The following TRIO variants were observed in gnomAD, a reference collection of about 807,000 sequenced individuals.
The protein encoded by TRIO is trio Rho guanine nucleotide exchange factor, also known as triple functional domain protein.
A neutral mutation model predicts 351.9 loss-of-function variants in TRIO; 58 were observed. That is an observed-to-expected ratio of 0.16 (90% CI 0.13 to 0.21). TRIO has a LOEUF of 0.21. Ranked by LOEUF, TRIO falls within the 10% of genes least tolerant of loss-of-function variation. TRIO has a pLI of 1.00. For missense variants in TRIO, 3,201 were observed against 4,027.8 expected (o/e 0.79, Z 5.56); for synonymous variants, 1,758 against 1,595.7 (o/e 1.10, Z -2.42).
In TRIO at chr5:14,357,767, A is replaced by G. The variant is rs890375005; in HGVS notation, c.2047-411A>G. Among the ~76,000 whole-genome samples the G allele has an allele frequency of 7.2e-5, 11 of 152,096 alleles. No homozygotes were observed. The East Asian group carries it at 1.9e-3, about 27-fold the overall frequency. On this transcript the variant is annotated intron_variant, in intron 11 of 56. Transcript: ENST00000344204. ...TTTAATAATGAAAAATTGAAATACA[A>G]GTGTCCACCTGCTAAGTAAGAGCCC...
At chr5:14,230,670 C>G (rs1373769049) in intron 1 of TRIO, among the ~76,000 whole-genome samples, 1 of 152,014 alleles carries the variant, frequency 6.6e-6, no homozygotes, top group African/African-American at 2.4e-5. Context: ...TTTTTGCCCC[C>G]CTCCCCTAAT....
Position 14,479,251 on chromosome 5 carries a change from T to C in TRIO, c.6154-10T>C. ...GTTATAACCCAACTGTTTGCCTTTTTTATTCCTAGGAGAGAAGGTTGCACA... is the reference window on the plus strand; with the variant it reads ...GTTATAACCCAACTGTTTGCCTTTTCTATTCCTAGGAGAGAAGGTTGCACA... On this transcript the variant is annotated splice_polypyrimidine_tract_variant and intron_variant, in intron 41 of 56. Transcript: ENST00000344204. 1 of 1,612,638 alleles carries C rather than the reference T, an allele frequency of 6.2e-7. No homozygotes were observed. The highest frequency in any genetic ancestry group is 1.3e-5 in the African/African-American group (1 of 75,020).
At chr5:14,388,446 T>G (rs1019526526) in intron 23 of TRIO, among the ~76,000 whole-genome samples, 167 bp from the exon 24 acceptor site, 4 of 152,214 alleles carry the variant, frequency 2.6e-5, no homozygotes, top group African/African-American at 9.6e-5. Context: ...TTTTTTCCCC[T>G]TTGAATTAGC....
At chr5:14,258,234 A>T (rs1561260673) in intron 1 of TRIO, among the ~76,000 whole-genome samples, 1 of 152,110 alleles carries the variant, frequency 6.6e-6, no homozygotes, top group African/African-American at 2.4e-5. Flanking sequence ...CCTCATCCCC[A>T]TGTGTGTAGC....
At chr5:14,276,238 A>G (rs1735508601) in intron 2 of TRIO, among the ~76,000 whole-genome samples, 1 of 152,180 alleles carries the variant, frequency 6.6e-6, no homozygotes, top group Non-Finnish European at 1.5e-5. Flanking sequence ...TTCATCTTGA[A>G]TATTCTTGTT....
intron 29 of TRIO, 44 bp downstream of exon 29, chr5:14,397,198 A>G (rs1747680505): frequency 3.4e-6 from 5 of 1,465,084 alleles, no homozygotes; most frequent in Non-Finnish European, 4.7e-6. Context: ...TGCAGTTTCT[A>G]ATGACACTGT....
intron 28 of TRIO, among the ~76,000 whole-genome samples, chr5:14,395,428 C>T (rs1434449966): frequency 6.6e-6 from 1 of 152,238 alleles, no homozygotes; most frequent in Non-Finnish European, 1.5e-5. Context: ...TTCTGCTAAA[C>T]TGGTGCTTAA....
intron 13 of TRIO, among the ~76,000 whole-genome samples, chr5:14,360,571 G>A (rs1304114983): frequency 1.3e-5 from 2 of 152,210 alleles, no homozygotes; most frequent in African/African-American, 4.8e-5. Context: ...GAATTCATCA[G>A]CAGTCCTTGG....
chr5:14,321,111 G>T (rs1367837867), intron 9 of TRIO, among the ~76,000 whole-genome samples: 1 of 152,230 alleles, frequency 6.6e-6, no homozygotes, highest in African/African-American at 2.4e-5. Context: ...TAGTAGAGGG[G>T]CAAGTAGCAG....
intron 21 of TRIO, among the ~76,000 whole-genome samples, chr5:14,383,470 G>T (rs1003765745): frequency 1.3e-5 from 2 of 152,196 alleles, no homozygotes; most frequent in Non-Finnish European, 2.9e-5. Context: ...GTATATGAAA[G>T]AATTTTTCCA....
At chr5:14,194,171 T>TA (rs757252990) in intron 1 of TRIO, among the ~76,000 whole-genome samples, 1 of 152,160 alleles carries the variant, frequency 6.6e-6, no homozygotes, top group African/African-American at 2.4e-5. Context: ...GAAGTTCCTT[T>TA]AAAAAAAGAG....
chr5:14,224,337 A>G (rs1053695190), intron 1 of TRIO, among the ~76,000 whole-genome samples: 1 of 152,148 alleles, frequency 6.6e-6, no homozygotes, highest in Non-Finnish European at 1.5e-5. Context: ...AGTTTACAAT[A>G]TAAGTTATAA....
At chr5:14,344,955 G>C (rs960601586) in intron 11 of TRIO, among the ~76,000 whole-genome samples, 54 of 152,214 alleles carry the variant, frequency 3.5e-4, no homozygotes, top group African/African-American at 1.3e-3. Flanking sequence ...TTAGATCTTA[G>C]ATCCCAGCTA....
At chr5:14,349,506 A>G (rs1265953604) in intron 11 of TRIO, among the ~76,000 whole-genome samples, 1 of 152,098 alleles carries the variant, frequency 6.6e-6, no homozygotes, top group African/African-American at 2.4e-5. Context: ...CTGAAGCCGC[A>G]GGGCCCAAGG....
At chr5:14,308,685 T>C (rs565462101) in intron 8 of TRIO, among the ~76,000 whole-genome samples, 123 of 102,582 alleles carry the variant, frequency 1.2e-3, no homozygotes, top group East Asian at 1.7e-3. Flanking sequence ...ATCCATCCAT[T>C]CATTCTCCTA....
chr5:14,253,506 A>T (rs1794859670), intron 1 of TRIO, among the ~76,000 whole-genome samples: 1 of 151,100 alleles, frequency 6.6e-6, no homozygotes, highest in African/African-American at 2.5e-5. Flanking sequence ...GTCCCGGCTG[A>T]TTTCTTTTTT....
At position 14,487,956 on chromosome 5, in the gene TRIO, C is replaced by T. The variant is rs770877119; in HGVS notation, c.7328C>T (p.Thr2443Ile). The change falls in exon 48 of 57, where the codon ACC becomes ATC. Residue 2443 changes from threonine (T) to isoleucine (I), a missense_variant. This residue lies in a region of TRIO where 1,089 missense variants were observed against 954.9 expected (regional missense o/e 1.14). Coordinates refer to ENST00000344204, the MANE Select transcript of TRIO (RefSeq NM_007118.4). ...PAKDARASLGTLPLGKPRAGA... is the reference protein window; with the variant it reads ...PAKDARASLGILPLGKPRAGA... Reference sequence around the variant, plus strand: ...AAGGACGCGCGCGCTAGCCTGGGCACCCTGCCGCTTGGGAAGCCCCGGGCC... The same window carrying T: ...AAGGACGCGCGCGCTAGCCTGGGCATCCTGCCGCTTGGGAAGCCCCGGGCC... 4.5e-6 allele frequency: 7 copies of T among 1,549,920 alleles called. No homozygotes were observed. The East Asian group carries it at 7.3e-5, about 16-fold the overall frequency.
chr5:14,226,335 A>C (rs407517), intron 1 of TRIO, among the ~76,000 whole-genome samples: 2 of 152,168 alleles, frequency 1.3e-5, no homozygotes, highest in Admixed American at 1.3e-4. Context: ...ACAGCCTTGC[A>C]AGCCCTGCTA....
At chr5:14,229,256 T>C (rs368012316) in intron 1 of TRIO, among the ~76,000 whole-genome samples, 7 of 152,354 alleles carry the variant, frequency 4.6e-5, no homozygotes, top group East Asian at 1.9e-4. Flanking sequence ...ATAAATACTT[T>C]AGTCTCTATC....
Sources: gnomAD v4.1 joint callset for allele counts (sites outside exome capture counted in the v4.1 genomes callset) on GRCh38, gnomAD v4.1.1 for gene constraint, gnomAD v4.1.1 regional missense constraint, MANE v1.5 for transcripts, NCBI Gene and HGNC (gene_info 2026-07-23, HGNC 2026-07-21) for gene names.